CIT: variants seen among roughly 807,000 people sequenced by gnomAD.
CIT encodes the protein citron rho-interacting serine/threonine kinase, also known as citron Rho-interacting kinase.
A neutral mutation model predicts 272.7 loss-of-function variants in CIT; 79 were observed. The ratio of observed to expected loss-of-function variants is 0.29; its 90% CI spans 0.24 to 0.35. CIT has a LOEUF of 0.35. Among genes scored for constraint, CIT ranks in the 10% least tolerant of loss-of-function variants. The pLI, the probability that CIT is intolerant of heterozygous loss-of-function variation, is 1.00. For synonymous variants in CIT, 948 were observed against 995.6 expected (o/e 0.95, Z 0.90); for missense variants, 1,909 against 2,618.3 (o/e 0.73, Z 5.91).
intron 25 of CIT, 55 bp from the exon 26 acceptor site, chr12:119,734,412 G>C: frequency 6.4e-7 from 1 of 1,569,074 alleles, no homozygotes; most frequent in Non-Finnish European, 8.7e-7. Context: ...ATTTCCTGGA[G>C]ATTACTTTGG....
chr12:119,737,615 G>A (rs1178721392), intron 24 of CIT, among the ~76,000 whole-genome samples: 1 of 152,102 alleles, frequency 6.6e-6, no homozygotes, highest in African/African-American at 2.4e-5. Flanking sequence ...GGGCCCATTG[G>A]AATAAGAAGG....
chr12:119,832,465 A>T (rs1181749851), intron 7 of CIT, among the ~76,000 whole-genome samples: 1 of 152,262 alleles, frequency 6.6e-6, no homozygotes, highest in Non-Finnish European at 1.5e-5. Flanking sequence ...AAAAAAGATA[A>T]TATAACAAAA....
At chr12:119,717,686 G>C (rs187513511) in intron 32 of CIT, among the ~76,000 whole-genome samples, 32 of 151,898 alleles carry the variant, frequency 2.1e-4, no homozygotes, top group Admixed American at 5.9e-4. Flanking sequence ...ATCCCAAAGT[G>C]CTGGGATTAC....
Position 119,746,575 on chromosome 12 carries a change from A to G in CIT, c.2905-4111T>C, listed in dbSNP as rs142168034. On this transcript the variant is annotated intron_variant, in intron 23 of 47. Coordinates refer to ENST00000392521, the MANE Select transcript of CIT (RefSeq NM_001206999.2). ...GACAGAAGCCCTATTCCACTTTCTT[A>G]TTAACAGCAAAGTTTCAAATAACAC... is the stretch of plus-strand genomic sequence containing the variant. 3.1e-3 allele frequency among the ~76,000 whole-genome samples: 469 copies of G among 152,354 alleles called. 3 individuals are homozygous for G. The highest frequency in any genetic ancestry group is 0.011 in the African/African-American group (441 of 41,586).
chr12:119,736,972 G>C (rs1332326395), intron 24 of CIT, among the ~76,000 whole-genome samples: 3 of 152,062 alleles, frequency 2.0e-5, no homozygotes, highest in African/African-American at 7.2e-5. Context: ...ACCTTTGCTG[G>C]GTTGGTTTCT....
At chr12:119,862,041 C>T (rs903579585) in intron 3 of CIT, among the ~76,000 whole-genome samples, 1 of 152,154 alleles carries the variant, frequency 6.6e-6, no homozygotes, top group Non-Finnish European at 1.5e-5. Context: ...CACTCTGTCA[C>T]CCTGGCTGGA....
At chr12:119,787,469 T>C (rs1284031036) in intron 10 of CIT, among the ~76,000 whole-genome samples, 2 of 150,470 alleles carry the variant, frequency 1.3e-5, no homozygotes, top group Non-Finnish European at 3.0e-5. Context: ...CGGTGGCTGA[T>C]GCCTGTAATC....
intron 13 of CIT, among the ~76,000 whole-genome samples, chr12:119,781,669 G>GGA (rs1964299687): frequency 6.6e-6 from 1 of 151,552 alleles, no homozygotes; most frequent in African/African-American, 2.4e-5. Flanking sequence ...CGTTTAGAAA[G>GGA]AAAAAAAAGA....
intron 3 of CIT, among the ~76,000 whole-genome samples, chr12:119,862,808 T>TTAAAAAAAAA: frequency 9.8e-5 from 1 of 10,250 alleles, no homozygotes; most frequent in East Asian, 3.7e-3. Context: ...AGACTCTACC[T>TTAAAAAAAAA]AAAAAAAAAA....
At chr12:119,789,885 T>G (rs1965156269) in intron 10 of CIT, among the ~76,000 whole-genome samples, 1 of 151,716 alleles carries the variant, frequency 6.6e-6, no homozygotes, top group Non-Finnish European at 1.5e-5. Context: ...TTTTTTTTTT[T>G]TTTGTATTCT....
At chr12:119,854,940 G>A (rs1970489541) in intron 4 of CIT, among the ~76,000 whole-genome samples, 1 of 151,672 alleles carries the variant, frequency 6.6e-6, no homozygotes, top group Non-Finnish European at 1.5e-5. Context: ...AACAGAATGA[G>A]ACTCATTCTC....
At chr12:119,707,642 C>T (rs1291181628) in intron 40 of CIT, among the ~76,000 whole-genome samples, 4 of 152,118 alleles carry the variant, frequency 2.6e-5, no homozygotes, top group Non-Finnish European at 4.4e-5. Context: ...GCTGGGATTA[C>T]AGGCGCCCGC....
At chr12:119,704,171 C>T (rs1956746761) in intron 41 of CIT, among the ~76,000 whole-genome samples, 192 bp downstream of exon 41, 1 of 152,150 alleles carries the variant, frequency 6.6e-6, no homozygotes, top group South Asian at 2.1e-4. Flanking sequence ...ACCGCAGCTA[C>T]TAGTGGCCCT....
At chr12:119,803,467 C>T in intron 9 of CIT, 78 bp from the exon 10 acceptor site, 1 of 1,078,866 alleles carries the variant, frequency 9.3e-7, no homozygotes, top group Non-Finnish European at 1.3e-6. Context: ...CGGAGAAGAT[C>T]GTCTTACTCC....
chr12:119,828,733 T>G (rs1314761048), intron 7 of CIT, among the ~76,000 whole-genome samples: 6 of 152,026 alleles, frequency 3.9e-5, no homozygotes, highest in Admixed American at 3.3e-4. Context: ...CAGCTAACTT[T>G]TACAATTTTT....
At chr12:119,857,461 C>T in intron 4 of CIT, 62 bp downstream of exon 4, 2 of 1,532,154 alleles carry the variant, frequency 1.3e-6, no homozygotes, top group Non-Finnish European at 8.9e-7. Context: ...AGCAGATTAT[C>T]GTCTTTGCAA....
intron 23 of CIT, among the ~76,000 whole-genome samples, chr12:119,744,405 A>T (rs1221639162): frequency 1.6e-5 from 2 of 126,152 alleles, no homozygotes; most frequent in Non-Finnish European, 3.3e-5. Flanking sequence ...TTTAATTATA[A>T]AAAAAAAAAA....
At chr12:119,729,280 T>C (rs1958299773) in intron 27 of CIT, among the ~76,000 whole-genome samples, 1 of 152,226 alleles carries the variant, frequency 6.6e-6, no homozygotes, top group African/African-American at 2.4e-5. Flanking sequence ...TTCAGGGAAC[T>C]CAGGAGCATT....
At chr12:119,731,069 GT>G (rs1463022956) in intron 26 of CIT, among the ~76,000 whole-genome samples, 1 of 151,934 alleles carries the variant, frequency 6.6e-6, no homozygotes, top group Non-Finnish European at 1.5e-5. Context: ...GGAAGTTGCA[GT>G]GAGCCGAGAT....
Sources: gnomAD v4.1 joint callset for allele counts (sites outside exome capture counted in the v4.1 genomes callset) on GRCh38, gnomAD v4.1.1 for gene constraint, MANE v1.5 for transcripts, NCBI Gene and HGNC (gene_info 2026-07-23, HGNC 2026-07-21) for gene names.